Variants in DNAH12 observed in about 807,000 individuals in gnomAD.
The protein encoded by DNAH12 is dynein axonemal heavy chain 12, also known as axonemal beta dynein heavy chain 12.
A neutral mutation model predicts 371.5 loss-of-function variants in DNAH12; 285 were observed. That is an observed-to-expected ratio of 0.77 (90% CI 0.70 to 0.85). The LOEUF (loss-of-function observed/expected upper bound fraction) is 0.85. Among genes scored for constraint, DNAH12 ranks in the 40% least tolerant of loss-of-function variants. DNAH12 has a pLI of 0.00. For missense variants in DNAH12, 3,611 were observed against 3,689.4 expected (o/e 0.98, Z 0.55); for synonymous variants, 1,200 against 1,213.0 (o/e 0.99, Z 0.22).
chr3:57,350,260 ACCAGTTC>A (rs2062640590), intron 60 of DNAH12, among the ~76,000 whole-genome samples: 1 of 152,164 alleles, frequency 6.6e-6, no homozygotes. Flanking sequence ...ACCAAACACC[ACCAGTTC>A]CCCCAAAAAC....
intron 25 of DNAH12, among the ~76,000 whole-genome samples, chr3:57,446,941 A>C (rs749936054): frequency 2.6e-5 from 4 of 152,232 alleles, no homozygotes; most frequent in African/African-American, 4.8e-5. Flanking sequence ...TTTTAAAAAC[A>C]ATCTAGCCTT....
intron 69 of DNAH12, among the ~76,000 whole-genome samples, chr3:57,305,534 A>G (rs1421014444): frequency 6.6e-6 from 1 of 152,200 alleles, no homozygotes; most frequent in Non-Finnish European, 1.5e-5. Flanking sequence ...AGACATAGTC[A>G]AGGTTAATGC....
At chr3:57,332,798 G>A (rs1221042582) in intron 62 of DNAH12, among the ~76,000 whole-genome samples, 3 of 152,122 alleles carry the variant, frequency 2.0e-5, no homozygotes, top group Admixed American at 2.0e-4. Flanking sequence ...AGCTACCACT[G>A]TTCATGAAGG....
chr3:57,444,377 A>C (rs1333881393), intron 29 of DNAH12, among the ~76,000 whole-genome samples: 1 of 151,852 alleles, frequency 6.6e-6, no homozygotes, highest in Non-Finnish European at 1.5e-5. Flanking sequence ...TTTTTAGTGG[A>C]GACAGGGTTT....
intron 2 of DNAH12, among the ~76,000 whole-genome samples, chr3:57,530,184 C>A (rs544702478): frequency 6.6e-6 from 1 of 152,174 alleles, no homozygotes; most frequent in East Asian, 1.9e-4. Flanking sequence ...TCACCATGCC[C>A]AGCCAGTAAT....
At chr3:57,325,964 A>G (rs2061933741) in intron 62 of DNAH12, among the ~76,000 whole-genome samples, 1 of 152,178 alleles carries the variant, frequency 6.6e-6, no homozygotes, top group Non-Finnish European at 1.5e-5. Flanking sequence ...AAGAAAGGGT[A>G]TCAGTGATGG....
At chr3:57,502,538 C>G (rs2067589332) in intron 9 of DNAH12, 59 bp from the exon 10 acceptor site, 6 of 1,488,744 alleles carry the variant, frequency 4.0e-6, no homozygotes, top group Non-Finnish European at 5.5e-6. Context: ...TATAATTAAT[C>G]TATATGTAGA....
intron 4 of DNAH12, among the ~76,000 whole-genome samples, chr3:57,513,514 A>AAGAG (rs1553716096): frequency 6.6e-6 from 1 of 151,766 alleles, no homozygotes; most frequent in Non-Finnish European, 1.5e-5. Context: ...TTATAATAAA[A>AAGAG]AAAATACTAC....
chr3:57,360,212 G>T lies in DNAH12; in HGVS notation c.9361-2864C>A, dbSNP rs2062893685. Among the ~76,000 whole-genome samples, 4 of 152,076 alleles carry T rather than the reference G, an allele frequency of 2.6e-5. No individual in the cohort carries two copies. In the South Asian group the frequency reaches 8.3e-4, roughly 32 times the overall value. On this transcript the variant is annotated intron_variant, in intron 58 of 73. Coordinates refer to ENST00000495027, the MANE Select transcript of DNAH12 (RefSeq NM_001366028.2). The stretch of plus-strand genomic sequence containing the variant: ...AGACACTACAGAATATCTCAGCCAT[G>T]GTCCCAGACTGGGGGCTGCCACAGA...
chr3:57,352,262 A>AAC (rs1553660733), intron 59 of DNAH12, 37 bp from the exon 60 acceptor site: 20 of 1,508,250 alleles, frequency 1.3e-5, no homozygotes, highest in Admixed American at 2.6e-5. Flanking sequence ...TTGTCAAACA[A>AAC]AACTAAGAAA....
intron 43 of DNAH12, among the ~76,000 whole-genome samples, chr3:57,397,278 G>A (rs1248887590): frequency 6.6e-6 from 1 of 152,078 alleles, no homozygotes; most frequent in Non-Finnish European, 1.5e-5. Flanking sequence ...AGTGGCTGCA[G>A]CACCCAGAAA....
At chr3:57,426,299 A>G (rs2064766013) in intron 34 of DNAH12, among the ~76,000 whole-genome samples, 1 of 152,162 alleles carries the variant, frequency 6.6e-6, no homozygotes, top group South Asian at 2.1e-4. Flanking sequence ...CAAGAGGAAG[A>G]GAGTTCCAAG....
intron 25 of DNAH12, among the ~76,000 whole-genome samples, chr3:57,449,628 C>T (rs889581763): frequency 1.3e-5 from 2 of 152,326 alleles, no homozygotes; most frequent in African/African-American, 4.8e-5. Flanking sequence ...CAGGGCTGGC[C>T]GGCTGCTCAG....
chr3:57,533,973 T>C (rs1381550235), intron 2 of DNAH12, among the ~76,000 whole-genome samples: 3 of 152,128 alleles, frequency 2.0e-5, no homozygotes, highest in Non-Finnish European at 2.9e-5. Flanking sequence ...GCCTTTCAAG[T>C]TTATTTAGGG....
At chr3:57,338,820 G>A (rs191218347) in intron 60 of DNAH12, among the ~76,000 whole-genome samples, 2 of 152,376 alleles carry the variant, frequency 1.3e-5, no homozygotes, top group Admixed American at 1.3e-4. Context: ...CCTGGCCGCT[G>A]TGCAATCTTC....
intron 13 of DNAH12, among the ~76,000 whole-genome samples, chr3:57,477,054 C>CCGGG (rs1457869358): frequency 6.6e-6 from 1 of 152,060 alleles, no homozygotes; most frequent in African/African-American, 2.4e-5. Flanking sequence ...GTTCATCTCA[C>CCGGG]CGGGGAGTGT....
At chr3:57,309,325 T>G (rs1238644303) in intron 68 of DNAH12, 71 bp from the exon 69 acceptor site, 1 of 1,126,608 alleles carries the variant, frequency 8.9e-7, no homozygotes, top group Non-Finnish European at 1.3e-6. Context: ...AGCCATTATA[T>G]AATAATAGCT....
At chr3:57,410,434 A>G (rs565375027) in intron 39 of DNAH12, among the ~76,000 whole-genome samples, 1 of 152,214 alleles carries the variant, frequency 6.6e-6, no homozygotes, top group South Asian at 2.1e-4. Context: ...GTGTGTTCTG[A>G]CTGTTCCACT....
At chr3:57,548,848 C>T (rs1022744453), upstream of DNAH12, 5 of 152,166 alleles carry the variant, frequency 3.3e-5, no homozygotes, top group African/African-American at 9.7e-5. Context: ...GTGCTCATTT[C>T]GGCAGCACAT....
Sources: allele counts gnomAD v4.1 joint callset (sites outside exome capture counted in the v4.1 genomes callset), GRCh38; gene constraint gnomAD v4.1.1; transcripts MANE v1.5; gene names NCBI Gene and HGNC (gene_info 2026-07-23, HGNC 2026-07-21).